Variants in FRMD4A observed in about 807,000 individuals in gnomAD.
FRMD4A encodes FERM domain containing 4A.
A neutral mutation model predicts 129.1 loss-of-function variants in FRMD4A; 29 were observed. The ratio of observed to expected loss-of-function variants is 0.22; its 90% CI spans 0.17 to 0.31. FRMD4A has a LOEUF of 0.31. Ranked by LOEUF, FRMD4A falls within the 10% of genes least tolerant of loss-of-function variation. The probability of loss-of-function intolerance (pLI) is 1.00; values close to 1 mark genes in which losing one functional copy is unlikely to be tolerated. For synonymous variants in FRMD4A, 634 were observed against 571.6 expected, an observed-to-expected ratio of 1.11 and a Z score of -1.56; for missense variants, 1,272 against 1,375.8, an observed-to-expected ratio of 0.92 and a Z score of 1.19.
At chr10:13,942,246 C>T (rs538881127) in intron 2 of FRMD4A, among the ~76,000 whole-genome samples, 1 of 152,352 alleles carries the variant, frequency 6.6e-6, no homozygotes, top group South Asian at 2.1e-4. Flanking sequence ...CTAATGAGCG[C>T]TCCCTTTCAT....
chr10:13,824,542 TAATA>T (rs1252319289), intron 3 of FRMD4A, among the ~76,000 whole-genome samples: 1 of 151,288 alleles, frequency 6.6e-6, no homozygotes, highest in Non-Finnish European at 1.5e-5. Context: ...AATACACCAA[TAATA>T]AATAACACAA....
chr10:14,009,221 A>G (rs1654325984), intron 2 of FRMD4A, among the ~76,000 whole-genome samples: 1 of 151,760 alleles, frequency 6.6e-6, no homozygotes, highest in Non-Finnish European at 1.5e-5. Flanking sequence ...CCCCATCTCT[A>G]CTCCTCCTGA....
chr10:13,713,973 T>TATATAAAATAC (rs1434083392), intron 12 of FRMD4A, among the ~76,000 whole-genome samples: 3 of 122,650 alleles, frequency 2.4e-5, no homozygotes, highest in Non-Finnish European at 5.1e-5. Context: ...AATATATACA[T>TATATAAAATAC]ATATGTAATA....
rs548066554 is a variant in FRMD4A at position 14,082,205 on chromosome 10, C to G, written c.46-223293G>C. 3.9e-5 allele frequency among the ~76,000 whole-genome samples: 6 copies of G among 152,206 alleles called. No homozygotes were observed. In the South Asian group the frequency reaches 1.2e-3, roughly 32 times the overall value. ...GAGGTTGCAGTGAGCCGAGATTGCA[C>G]CACTGCACTCCAGCCTGGGCAACAG... On this transcript the variant is annotated intron_variant, in intron 2 of 24. Coordinates refer to ENST00000357447, the MANE Select transcript of FRMD4A (RefSeq NM_018027.5).
At chr10:13,760,787 C>T (rs949530184) in intron 8 of FRMD4A, among the ~76,000 whole-genome samples, 4 of 151,962 alleles carry the variant, frequency 2.6e-5, no homozygotes, top group Non-Finnish European at 4.4e-5. Context: ...CAGAACCTTA[C>T]GCCTTGATGC....
chr10:14,008,294 G>A lies in FRMD4A; in HGVS notation c.46-149382C>T, dbSNP rs561428120. 5 of 1,037,708 alleles carry A rather than the reference G, an allele frequency of 4.8e-6. No homozygotes were observed. The East Asian group carries it at 4.0e-4, about 83-fold the overall frequency. 64.3% of individuals were successfully genotyped at this position (1,037,708 alleles called of 1,614,324 possible). On this transcript the variant is annotated intron_variant, in intron 2 of 24. Transcript: ENST00000357447. ...GTTCCCAAATATCAAATAACTGAAA[G>A]AGTTTTTCTTTCGACCATCTGAGTC...
chr10:14,279,182 A>ATTTTTTTTTTTTTTTT (rs1223887250), intron 2 of FRMD4A, among the ~76,000 whole-genome samples: 5 of 99,634 alleles, frequency 5.0e-5, no homozygotes, highest in African/African-American at 1.2e-4. Context: ...AGGAAGCGGG[A>ATTTTTTTTTTTTTTTT]TTTTTTTTTT....
intron 2 of FRMD4A, among the ~76,000 whole-genome samples, chr10:14,200,804 A>C (rs1589159388): frequency 6.6e-6 from 1 of 152,110 alleles, no homozygotes; most frequent in African/African-American, 2.4e-5. Context: ...CTGAGCTTAC[A>C]GGGAAGCGTG....
At chr10:13,981,754 AAAAAAAAAAAAAG>A (rs1355045493) in intron 2 of FRMD4A, among the ~76,000 whole-genome samples, 1 of 86,280 alleles carries the variant, frequency 1.2e-5, no homozygotes, top group Non-Finnish European at 2.0e-5. Flanking sequence ...AAAAAAAAAA[AAAAAAAAAAAAAG>A]GGAGGCCAAA....
Position 13,783,026 on chromosome 10 carries a change from C to A in FRMD4A, c.300-20G>T, listed in dbSNP as rs775190701. The A allele has an allele frequency of 3.2e-6, 3 of 925,430 alleles. No homozygotes were observed. Among genetic ancestry groups the A allele is most frequent in the Non-Finnish European group, 5.4e-6 (3 of 551,128 alleles). The allele number at this position is 925,430 out of a possible 1,614,324, so 57.3% of individuals were successfully genotyped here. ...TAGAACCTGAAAGAGAAAAATGGTG[C>A]GTGAACCACAGAAACAGCAGGTGCA... On this transcript the variant is annotated intron_variant, in intron 5 of 24. Coordinates refer to ENST00000357447, the MANE Select transcript of FRMD4A (RefSeq NM_018027.5).
chr10:14,094,421 C>CGCTATCCT (rs1281600786), intron 2 of FRMD4A, among the ~76,000 whole-genome samples: 1 of 152,162 alleles, frequency 6.6e-6, no homozygotes, highest in Non-Finnish European at 1.5e-5. Flanking sequence ...AATGATGTGC[C>CGCTATCCT]GCTATCCTGC....
At chr10:14,126,934 A>T (rs569369423) in intron 2 of FRMD4A, among the ~76,000 whole-genome samples, 16 of 152,324 alleles carry the variant, frequency 1.1e-4, no homozygotes, top group African/African-American at 3.8e-4. Context: ...CAGAGCTGTC[A>T]TTCACTCACT....
At chr10:14,328,025 G>A (rs1430392968) in intron 2 of FRMD4A, among the ~76,000 whole-genome samples, 1 of 152,054 alleles carries the variant, frequency 6.6e-6, no homozygotes, top group Non-Finnish European at 1.5e-5. Flanking sequence ...CAATTACTTT[G>A]GGGTTTACCC....
intron 2 of FRMD4A, among the ~76,000 whole-genome samples, chr10:14,251,625 A>G (rs999806074): frequency 6.6e-6 from 1 of 152,160 alleles, no homozygotes; most frequent in South Asian, 2.1e-4. Flanking sequence ...ACTAATACAG[A>G]CTCCAAATAA....
intron 2 of FRMD4A, among the ~76,000 whole-genome samples, chr10:14,089,376 C>A (rs1038011442): frequency 1.3e-5 from 2 of 152,126 alleles, no homozygotes; most frequent in Admixed American, 6.5e-5. Context: ...CCACTTATCA[C>A]CACGGTTCCC....
chr10:14,293,246 G>A (rs1845904190), intron 2 of FRMD4A, among the ~76,000 whole-genome samples: 1 of 152,094 alleles, frequency 6.6e-6, no homozygotes, highest in South Asian at 2.1e-4. Flanking sequence ...ACAAGAGTGG[G>A]CTTTTTTGAT....
At position 13,773,404 on chromosome 10, in the gene FRMD4A, G is replaced by C. The variant is rs1437163825; in HGVS notation, c.384+9518C>G. Among the ~76,000 whole-genome samples, 3 of 152,164 alleles carry C rather than the reference G, an allele frequency of 2.0e-5. No individual in the cohort carries two copies. The East Asian group carries it at 5.8e-4, about 29-fold the overall frequency. ...GGTGGCCTTTTGGATGATACTGATG[G>C]TGCATCTAGGCATTCTGACAGCCAC... On this transcript the variant is annotated intron_variant, in intron 6 of 24. Coordinates refer to ENST00000357447, the MANE Select transcript of FRMD4A (RefSeq NM_018027.5).
At chr10:14,145,930 C>G (rs955711895) in intron 2 of FRMD4A, among the ~76,000 whole-genome samples, 1 of 152,134 alleles carries the variant, frequency 6.6e-6, no homozygotes, top group African/African-American at 2.4e-5. Context: ...TAATTAGGAC[C>G]AGCGGATCAC....
intron 2 of FRMD4A, among the ~76,000 whole-genome samples, chr10:14,143,705 C>T (rs1319303508): frequency 1.3e-5 from 2 of 152,096 alleles, no homozygotes; most frequent in South Asian, 2.1e-4. Context: ...ACCTCCACCT[C>T]GCTGGTTCAG....
Sources: allele counts gnomAD v4.1 joint callset (sites outside exome capture counted in the v4.1 genomes callset), GRCh38; gene constraint gnomAD v4.1.1; transcripts MANE v1.5; gene names NCBI Gene and HGNC (gene_info 2026-07-23, HGNC 2026-07-21).